The following IGSF21 variants were observed in gnomAD, a reference collection of about 807,000 sequenced individuals.
The protein encoded by IGSF21 is immunoglobin superfamily member 21.
IGSF21 carries 28 observed loss-of-function variants against 46.8 expected under a neutral mutation model. That is an observed-to-expected ratio of 0.60 (90% CI 0.44 to 0.82). IGSF21 has a LOEUF of 0.82. IGSF21 is among the 40% of genes least tolerant of loss of function. The pLI is 0.00. For missense variants in IGSF21, 624 were observed against 665.5 expected (o/e 0.94, Z 0.69); for synonymous variants, 284 against 273.6 (o/e 1.04, Z -0.38).
In IGSF21 at chr1:18,116,341, T is replaced by A. The variant is rs572706965; in HGVS notation, c.70+8143T>A. 4.6e-5 allele frequency among the ~76,000 whole-genome samples: 7 copies of A among 152,332 alleles called. No individual in the cohort carries two copies. The South Asian group carries it at 8.3e-4, about 18-fold the overall frequency. On this transcript the variant is annotated intron_variant, in intron 1 of 9. Transcript: ENST00000251296. ...GTGGGGCAGCCACCTGCGGTTAATG[T>A]GCTTTGGTTTCCATCTGCAATGGGC... is the stretch of plus-strand genomic sequence containing the variant.
intron 1 of IGSF21, among the ~76,000 whole-genome samples, chr1:18,199,304 C>T (rs892562306): frequency 5.9e-5 from 9 of 152,138 alleles, no homozygotes; most frequent in African/African-American, 2.2e-4. Flanking sequence ...GCCTCTATCG[C>T]ATCATCTGTA....
intron 3 of IGSF21, among the ~76,000 whole-genome samples, chr1:18,296,950 C>T (rs905094927): frequency 1.1e-4 from 16 of 152,178 alleles, no homozygotes; most frequent in Non-Finnish European, 7.3e-5. Context: ...GTATTCCTGC[C>T]CCCGACCTGC....
At chr1:18,293,475 AC>A (rs2085286278) in intron 3 of IGSF21, among the ~76,000 whole-genome samples, 2 of 152,132 alleles carry the variant, frequency 1.3e-5, no homozygotes, top group Admixed American at 6.5e-5. Flanking sequence ...CTGTGCCAGG[AC>A]CATGCTGAGA....
intron 1 of IGSF21, among the ~76,000 whole-genome samples, chr1:18,181,908 A>T (rs375168676): frequency 6.6e-6 from 1 of 152,118 alleles, no homozygotes; most frequent in East Asian, 1.9e-4. Flanking sequence ...TTTGTGTCTG[A>T]TGAGCTCTGC....
At position 18,227,779 on chromosome 1, in the gene IGSF21, T is replaced by C. The variant is rs1012139818; in HGVS notation, c.71-119T>C. On this transcript the variant is annotated intron_variant, in intron 1 of 9. Transcript: ENST00000251296. ...GTGTGAACAGCGTCCCTCAAAGTTG[T>C]GCAACTACAGACCCCAAACTTCCCT... The C allele has an allele frequency of 2.0e-5, 14 of 709,212 alleles. No homozygotes were observed. The African/African-American group carries it at 2.4e-4, about 12-fold the overall frequency. The allele number at this position is 709,212 out of a possible 1,614,324, so 43.9% of individuals were successfully genotyped here.
In IGSF21 at chr1:18,222,965, G is replaced by A. The variant is rs952895829; in HGVS notation, c.71-4933G>A. On this transcript the variant is annotated intron_variant, in intron 1 of 9. Transcript: ENST00000251296. Reference sequence around the variant, plus strand: ...GATTGGTGCTGTCATAGCCTTGCCTGGCACATCTGTTGGAAAATCACCTTG... The same window carrying A: ...GATTGGTGCTGTCATAGCCTTGCCTAGCACATCTGTTGGAAAATCACCTTG... Among the ~76,000 whole-genome samples the A allele has an allele frequency of 7.9e-5, 12 of 152,250 alleles. No homozygotes were observed. The South Asian group carries it at 2.5e-3, about 32-fold the overall frequency.
chr1:18,262,888 T>C (rs1272262423), intron 2 of IGSF21, among the ~76,000 whole-genome samples: 2 of 152,212 alleles, frequency 1.3e-5, no homozygotes, highest in Non-Finnish European at 2.9e-5. Flanking sequence ...CAGGGGTGGT[T>C]GGCAACTGCA....
chr1:18,177,416 T>TGC (rs2086812754), intron 1 of IGSF21, among the ~76,000 whole-genome samples: 1 of 152,032 alleles, frequency 6.6e-6, no homozygotes. Context: ...TGTGTGTGTG[T>TGC]GTGTGTGTGT....
At chr1:18,347,664 A>G (rs2085908144) in intron 4 of IGSF21, among the ~76,000 whole-genome samples, 1 of 152,220 alleles carries the variant, frequency 6.6e-6, no homozygotes, top group Non-Finnish European at 1.5e-5. Flanking sequence ...TCGGGAGGGA[A>G]GCGAGGCCTT....
chr1:18,294,253 C>T (rs1014889598), intron 3 of IGSF21, among the ~76,000 whole-genome samples: 2 of 152,122 alleles, frequency 1.3e-5, no homozygotes, highest in East Asian at 1.9e-4. Context: ...GAGCTGATGG[C>T]GTGCATTCAA....
chr1:18,363,041 G>A (rs1027681708), intron 5 of IGSF21, among the ~76,000 whole-genome samples: 3 of 152,086 alleles, frequency 2.0e-5, no homozygotes, highest in Non-Finnish European at 2.9e-5. Context: ...TGATATACAG[G>A]GAAGCCTCAT....
chr1:18,361,805 G>A, intron 4 of IGSF21: 1 of 253,616 alleles, frequency 3.9e-6, no homozygotes, highest in Non-Finnish European at 7.5e-6. Context: ...CTCGGGCAGA[G>A]TCCCCTCAAC....
At chr1:18,328,486 G>T (rs961444090) in intron 3 of IGSF21, among the ~76,000 whole-genome samples, 2 of 152,196 alleles carry the variant, frequency 1.3e-5, no homozygotes, top group Non-Finnish European at 2.9e-5. Flanking sequence ...TTGAACCATT[G>T]TGAGTCGGGG....
chr1:18,179,275 T>C (rs1333946506), intron 1 of IGSF21: 1 of 152,114 alleles, frequency 6.6e-6, no homozygotes, highest in Non-Finnish European at 1.5e-5. Context: ...CTTCCCAGGC[T>C]GCGGTCTTAG....
intron 1 of IGSF21, among the ~76,000 whole-genome samples, chr1:18,169,968 G>A (rs1333257801): frequency 6.6e-6 from 1 of 152,132 alleles, no homozygotes; most frequent in East Asian, 1.9e-4. Flanking sequence ...GAGCAGCGGT[G>A]CCAACAAGGT....
At chr1:18,302,509 A>AT in intron 3 of IGSF21, among the ~76,000 whole-genome samples, 1 of 151,878 alleles carries the variant, frequency 6.6e-6, no homozygotes, top group East Asian at 1.9e-4. Context: ...TCAGTCTTTG[A>AT]TTTTCCTTTT....
intron 4 of IGSF21, among the ~76,000 whole-genome samples, chr1:18,358,217 T>A (rs2086045577): frequency 6.6e-6 from 1 of 152,074 alleles, no homozygotes; most frequent in Admixed American, 6.6e-5. Flanking sequence ...GTTTGCTTAC[T>A]TATAAAATGG....
At chr1:18,108,531 G>A (rs1008079940) in intron 1 of IGSF21, among the ~76,000 whole-genome samples, 1 of 151,478 alleles carries the variant, frequency 6.6e-6, no homozygotes, top group East Asian at 2.0e-4. Context: ...TGATGGTGTG[G>A]GGTCTGCGTG....
chr1:18,131,000 G>A (rs759475794), intron 1 of IGSF21, among the ~76,000 whole-genome samples: 15 of 152,226 alleles, frequency 9.9e-5, no homozygotes, highest in Non-Finnish European at 1.5e-4. Flanking sequence ...ATGTCTTTGA[G>A]GTCCGCCTAG....
Sources: allele counts gnomAD v4.1 joint callset (sites outside exome capture counted in the v4.1 genomes callset), GRCh38; gene constraint gnomAD v4.1.1; transcripts MANE v1.5; gene names NCBI Gene and HGNC (gene_info 2026-07-23, HGNC 2026-07-21).